The following VOPP1 variants were observed in gnomAD, a reference collection of about 807,000 sequenced individuals.
The protein encoded by VOPP1 is VOPP1 WW domain binding protein, also known as WW domain binding protein VOPP1.
In VOPP1, 8 loss-of-function variants were observed where a neutral mutation model predicts 23.5. The observed-to-expected ratio is 0.34, with a 90% CI of 0.20 to 0.61. The LOEUF (loss-of-function observed/expected upper bound fraction) is 0.61. Ranked by LOEUF, VOPP1 falls within the 20% of genes least tolerant of loss-of-function variation. The probability of loss-of-function intolerance (pLI) is 0.78; values close to 1 mark genes in which losing one functional copy is unlikely to be tolerated. For synonymous variants in VOPP1, 83 were observed against 97.3 expected (o/e 0.85, Z 0.86); for missense variants, 174 against 238.1 (o/e 0.73, Z 1.77).
At chr7:55,538,523 A>G in intron 1 of VOPP1, 2 of 1,257,804 alleles carry the variant, frequency 1.6e-6, no homozygotes, top group African/African-American at 1.5e-5. Context: ...CCTATGGTCC[A>G]AAGACTGAGG....
chr7:55,455,481 G>A (rs998425358), intron 4 of VOPP1, among the ~76,000 whole-genome samples: 6 of 152,230 alleles, frequency 3.9e-5, no homozygotes, highest in African/African-American at 9.6e-5. Context: ...CCAAAAAAGA[G>A]CCCACATAGC....
intron 1 of VOPP1, among the ~76,000 whole-genome samples, chr7:55,556,057 T>C (rs566070680): frequency 1.3e-5 from 2 of 152,330 alleles, no homozygotes; most frequent in African/African-American, 2.4e-5. Context: ...CTCTGCTGCT[T>C]ACCTATGAGG....
chr7:55,530,277 A>C (rs547429887), intron 1 of VOPP1, among the ~76,000 whole-genome samples: 3 of 152,290 alleles, frequency 2.0e-5, no homozygotes, highest in African/African-American at 7.2e-5. Flanking sequence ...TTTTGATATT[A>C]GCCATCTAGT....
intron 2 of VOPP1, among the ~76,000 whole-genome samples, chr7:55,515,614 ACAC>A (rs1305994846): frequency 6.6e-6 from 1 of 152,184 alleles, no homozygotes; most frequent in East Asian, 1.9e-4. Context: ...CACCACGACC[ACAC>A]CTTTTTTAAG....
At chr7:55,477,995 C>G (rs537098442) in intron 4 of VOPP1, among the ~76,000 whole-genome samples, 5 of 152,222 alleles carry the variant, frequency 3.3e-5, no homozygotes, top group Non-Finnish European at 7.3e-5. Context: ...CATTTGGCTA[C>G]AACTCCTCAC....
At chr7:55,560,619 A>G (rs1797954067) in intron 1 of VOPP1, among the ~76,000 whole-genome samples, 1 of 152,202 alleles carries the variant, frequency 6.6e-6, no homozygotes, top group African/African-American at 2.4e-5. Context: ...AGAGCCATTT[A>G]GGACTTCTGA....
intron 4 of VOPP1, among the ~76,000 whole-genome samples, chr7:55,480,589 A>G (rs1792631432): frequency 6.6e-6 from 1 of 152,162 alleles, no homozygotes; most frequent in South Asian, 2.1e-4. Context: ...TCCCATCTCT[A>G]CTTCCCAGGC....
chr7:55,516,068 G>A (rs138863039), intron 2 of VOPP1: 14,310 of 970,072 alleles, frequency 0.015, 110 homozygotes, highest in Middle Eastern at 0.024. Flanking sequence ...GCCAAGGGGC[G>A]GGAGCTGCTG....
At chr7:55,525,796 A>ATTTT (rs1562956693) in intron 1 of VOPP1, among the ~76,000 whole-genome samples, 1 of 146,556 alleles carries the variant, frequency 6.8e-6, no homozygotes, top group Non-Finnish European at 1.5e-5. Context: ...CTCTAAAAAA[A>ATTTT]AAAAAAAAAA....
At chr7:55,443,973 T>C (rs980186492) in intron 4 of VOPP1, among the ~76,000 whole-genome samples, 5 of 152,188 alleles carry the variant, frequency 3.3e-5, no homozygotes, top group African/African-American at 1.2e-4. Flanking sequence ...ATTGATATGT[T>C]GCCTGCTGAA....
downstream of VOPP1, among the ~76,000 whole-genome samples, chr7:55,435,773 T>TC: frequency 6.6e-6 from 1 of 152,238 alleles, no homozygotes. Flanking sequence ...CAGCTCCCTC[T>TC]CCCGTTTGGA....
chr7:55,513,751 TG>T (rs1188488425), intron 2 of VOPP1, among the ~76,000 whole-genome samples: 1 of 152,174 alleles, frequency 6.6e-6, no homozygotes, highest in Admixed American at 6.5e-5. Context: ...GAACCACCTT[TG>T]GGGCCAAATC....
chr7:55,536,650 C>T (rs190085206), intron 1 of VOPP1, among the ~76,000 whole-genome samples: 8 of 152,124 alleles, frequency 5.3e-5, no homozygotes, highest in African/African-American at 1.9e-4. Flanking sequence ...AAGAGGAAGA[C>T]GGGAGAGAAT....
At chr7:55,515,615 C>T (rs1012603302) in intron 2 of VOPP1, among the ~76,000 whole-genome samples, 59 of 152,326 alleles carry the variant, frequency 3.9e-4, no homozygotes, top group African/African-American at 1.4e-3. Flanking sequence ...ACCACGACCA[C>T]ACCTTTTTTA....
At chr7:55,451,066 T>G (rs936129142) in intron 4 of VOPP1, among the ~76,000 whole-genome samples, 1 of 152,200 alleles carries the variant, frequency 6.6e-6, no homozygotes, top group Non-Finnish European at 1.5e-5. Flanking sequence ...GGAGATCTCC[T>G]AGGGAGGAGA....
chr7:55,529,901 G>C (rs1036695067), intron 1 of VOPP1, among the ~76,000 whole-genome samples: 4 of 152,162 alleles, frequency 2.6e-5, no homozygotes, highest in African/African-American at 9.7e-5. Context: ...TTCCTTTCTA[G>C]TGTTGAACAA....
At chr7:55,439,371 T>C (rs1006446428) in intron 4 of VOPP1, among the ~76,000 whole-genome samples, 5 of 151,936 alleles carry the variant, frequency 3.3e-5, no homozygotes, top group Admixed American at 3.3e-4. Context: ...CACTGGTCAT[T>C]GGAGTCAGTG....
intron 1 of VOPP1, among the ~76,000 whole-genome samples, chr7:55,565,461 T>C (rs1798132947): frequency 6.6e-6 from 1 of 152,222 alleles, no homozygotes; most frequent in African/African-American, 2.4e-5. Context: ...TGTTTGTTAA[T>C]CAGTTGGATA....
At chr7:55,453,558 T>TGGA (rs1256213581) in intron 4 of VOPP1, among the ~76,000 whole-genome samples, 13 of 152,272 alleles carry the variant, frequency 8.5e-5, no homozygotes, top group African/African-American at 2.9e-4. Flanking sequence ...GATGAGGGAA[T>TGGA]GGAGGGTAAG....
Sources: allele counts gnomAD v4.1 joint callset (sites outside exome capture counted in the v4.1 genomes callset), GRCh38; gene constraint gnomAD v4.1.1; transcripts MANE v1.5; gene names NCBI Gene and HGNC (gene_info 2026-07-23, HGNC 2026-07-21).